ARHGAP5: variants seen among roughly 807,000 people sequenced by gnomAD.
The protein encoded by ARHGAP5 is Rho GTPase activating protein 5.
A neutral mutation model predicts 116.6 loss-of-function variants in ARHGAP5; 23 were observed. That is an observed-to-expected ratio of 0.20 (90% CI 0.14 to 0.28). The LOEUF (loss-of-function observed/expected upper bound fraction) is 0.28, where lower values mean the gene tolerates loss of function less well. Among genes scored for constraint, ARHGAP5 ranks in the 10% least tolerant of loss-of-function variants. The probability of loss-of-function intolerance (pLI) is 1.00; values close to 1 mark genes in which losing one functional copy is unlikely to be tolerated. For synonymous variants in ARHGAP5, 574 were observed against 602.0 expected (o/e 0.95, Z 0.68); for missense variants, 1,405 against 1,774.8 (o/e 0.79, Z 3.74).
rs1881949976 is a variant in ARHGAP5, at chr14:32,157,623, AT to A, written c.*2677del. ...GTCAAATTCTATTCAACAGACACTT[AT>A]TAGGATATACAACTAATTTAAGAAT... On this transcript the variant is annotated 3_prime_UTR_variant, in exon 7 of 7. Coordinates refer to ENST00000345122, the MANE Select transcript of ARHGAP5 (RefSeq NM_001030055.2). 6.6e-6 allele frequency: 1 copy of A among 152,116 alleles called. No homozygotes were observed. The allele number at this position is 152,116 out of a possible 1,614,324, so 9.4% of individuals were successfully genotyped here.
At chr14:32,078,529 A>AT (rs1025851218) in intron 1 of ARHGAP5, among the ~76,000 whole-genome samples, 15 of 151,850 alleles carry the variant, frequency 9.9e-5, no homozygotes, top group South Asian at 2.1e-4. Flanking sequence ...AGGAAACTGA[A>AT]TTTTTTTTTA....
chr14:32,094,096 A>G lies in ARHGAP5; in HGVS notation c.3427A>G (p.Lys1143Glu). The G allele has an allele frequency of 6.2e-7, 1 of 1,614,116 alleles. No individual in the cohort carries two copies. The highest frequency in any genetic ancestry group is 1.3e-5 in the African/African-American group (1 of 75,044). Residue 1143 changes from lysine (K) to glutamate (E), a missense_variant, in exon 2 of 7, where the codon AAA becomes GAA. Around this residue, in one of 6 missense-constraint regions of ARHGAP5, gnomAD observed 944 missense variants for 1,095.3 expected, o/e 0.86. Transcript: ENST00000345122. ...EENGFSDRTSKSHGERRPSKY... is the reference protein window; with the variant it reads ...EENGFSDRTSESHGERRPSKY... ...AAATGGGTTTTCTGATAGAACCTCA[A>G]AAAGTCATGGGGAACGGAGGCCTTC...
chr14:32,114,084 T>C (rs1262840639), intron 2 of ARHGAP5, among the ~76,000 whole-genome samples: 2 of 151,988 alleles, frequency 1.3e-5, no homozygotes, highest in Admixed American at 1.3e-4. Context: ...AAAAATCAGC[T>C]GGGCGTGATG....
chr14:32,108,603 A>T (rs911584397), intron 2 of ARHGAP5, among the ~76,000 whole-genome samples: 4 of 151,944 alleles, frequency 2.6e-5, no homozygotes, highest in Non-Finnish European at 5.9e-5. Context: ...AAGGGAGAGG[A>T]AGGTAGGTAG....
At chr14:32,112,517 A>G (rs940786969) in intron 2 of ARHGAP5, among the ~76,000 whole-genome samples, 1 of 152,192 alleles carries the variant, frequency 6.6e-6, no homozygotes, top group African/African-American at 2.4e-5. Flanking sequence ...GTGGCTAGAA[A>G]AAAGACGGCA....
intron 3 of ARHGAP5, among the ~76,000 whole-genome samples, chr14:32,123,695 C>A (rs373882737): frequency 6.6e-6 from 1 of 151,844 alleles, no homozygotes; most frequent in Admixed American, 6.6e-5. Context: ...TAGATTTGCT[C>A]GGTGCTTCTC....
intron 2 of ARHGAP5, among the ~76,000 whole-genome samples, chr14:32,099,744 T>C (rs528343010): frequency 6.6e-6 from 1 of 152,302 alleles, no homozygotes; most frequent in South Asian, 2.1e-4. Context: ...TAATTTTTCA[T>C]TTTAAGTTTA....
At chr14:32,148,202 CTATCTATCTATG>C (rs757804465) in intron 4 of ARHGAP5, among the ~76,000 whole-genome samples, 79 of 150,814 alleles carry the variant, frequency 5.2e-4, no homozygotes, top group African/African-American at 1.6e-3. Context: ...ATCTATCTAT[CTATCTATCTATG>C]TATATCTATC....
At chr14:32,107,760 A>G (rs1393282862) in intron 2 of ARHGAP5, among the ~76,000 whole-genome samples, 3 of 152,242 alleles carry the variant, frequency 2.0e-5, no homozygotes, top group African/African-American at 7.2e-5. Flanking sequence ...TGTTTAAAAT[A>G]TCTGTGTTGA....
In ARHGAP5 at chr14:32,131,679, A is replaced by C. The variant is rs112934269; in HGVS notation, c.3865+14392A>C. 4.6e-3 allele frequency among the ~76,000 whole-genome samples: 705 copies of C among 152,240 alleles called. 4 individuals are homozygous for C. The highest frequency in any genetic ancestry group is 0.015 in the African/African-American group (637 of 41,538). ...TACATGTGCCATGTTGGTGTGCTGC[A>C]CCCATTAACTGGTCATTTAGCATCA... On this transcript the variant is annotated intron_variant, in intron 3 of 6. Coordinates refer to ENST00000345122, the MANE Select transcript of ARHGAP5 (RefSeq NM_001030055.2).
chr14:32,134,233 G>A (rs911228872), intron 3 of ARHGAP5, among the ~76,000 whole-genome samples: 3 of 152,050 alleles, frequency 2.0e-5, no homozygotes, highest in Non-Finnish European at 4.4e-5. Flanking sequence ...AAAATTCAAA[G>A]CCTTTTTTTG....
At chr14:32,078,804 G>A (rs1387836142) in intron 1 of ARHGAP5, among the ~76,000 whole-genome samples, 1 of 152,092 alleles carries the variant, frequency 6.6e-6, no homozygotes, top group Non-Finnish European at 1.5e-5. Context: ...ATAATGTTTG[G>A]TTTAAAAATA....
chr14:32,116,513 A>G (rs557703441), intron 2 of ARHGAP5, among the ~76,000 whole-genome samples: 42 of 152,198 alleles, frequency 2.8e-4, no homozygotes, highest in Admixed American at 8.5e-4. Flanking sequence ...GAATGGCGTG[A>G]ACCCGGGAGG....
intron 5 of ARHGAP5, among the ~76,000 whole-genome samples, chr14:32,150,328 G>C (rs1024201358): frequency 6.6e-6 from 1 of 152,184 alleles, no homozygotes; most frequent in Non-Finnish European, 1.5e-5. Context: ...TAAGGGCATT[G>C]TAAGAAAATT....
intron 3 of ARHGAP5, among the ~76,000 whole-genome samples, chr14:32,136,392 C>T (rs948596885): frequency 1.3e-5 from 2 of 152,134 alleles, no homozygotes; most frequent in African/African-American, 2.4e-5. Context: ...GTGTATGGCT[C>T]TTTCATTTAG....
At chr14:32,083,193 C>G (rs2041795778) in intron 1 of ARHGAP5, among the ~76,000 whole-genome samples, 1 of 152,264 alleles carries the variant, frequency 6.6e-6, no homozygotes, top group Admixed American at 6.5e-5. Context: ...CAAACTATGG[C>G]CTCTGGGCCA....
intron 3 of ARHGAP5, among the ~76,000 whole-genome samples, chr14:32,142,361 T>G (rs974019733): frequency 1.3e-5 from 2 of 152,240 alleles, no homozygotes; most frequent in Non-Finnish European, 2.9e-5. Flanking sequence ...ATGGCAGCTC[T>G]GGAAATGAAA....
chr14:32,121,302 A>G (rs999639552), intron 3 of ARHGAP5, among the ~76,000 whole-genome samples: 3 of 151,962 alleles, frequency 2.0e-5, no homozygotes, highest in Non-Finnish European at 4.4e-5. Flanking sequence ...AATATAGCCA[A>G]TGTTTTTTCC....
chr14:32,134,912 A>C (rs916809264), intron 3 of ARHGAP5, among the ~76,000 whole-genome samples: 2 of 152,164 alleles, frequency 1.3e-5, no homozygotes, highest in African/African-American at 4.8e-5. Context: ...CCAGATCTTT[A>C]TCTCTCACAT....
Sources: allele counts gnomAD v4.1 joint callset (sites outside exome capture counted in the v4.1 genomes callset), GRCh38; gene constraint gnomAD v4.1.1; regional missense constraint gnomAD v4.1.1; transcripts MANE v1.5; gene names NCBI Gene and HGNC (gene_info 2026-07-23, HGNC 2026-07-21).